Variants in SMYD5 observed in about 807,000 individuals in gnomAD.
The protein encoded by SMYD5 is SMYD family member 5.
In SMYD5, 35 loss-of-function variants were observed where a neutral mutation model predicts 57.4. The observed-to-expected ratio is 0.61, with a 90% CI of 0.47 to 0.81. The LOEUF (loss-of-function observed/expected upper bound fraction) is 0.81, where lower values mean the gene tolerates loss of function less well. Among genes scored for constraint, SMYD5 ranks in the 30% least tolerant of loss-of-function variants. The probability of loss-of-function intolerance (pLI) is 0.00; values close to 1 mark genes in which losing one functional copy is unlikely to be tolerated. For missense variants in SMYD5, 471 were observed against 527.9 expected, an observed-to-expected ratio of 0.89 and a Z score of 1.06; for synonymous variants, 198 against 189.7, an observed-to-expected ratio of 1.04 and a Z score of -0.36.
chr2:73,222,894 A>G (rs1686422805), intron 7 of SMYD5, 77 bp downstream of exon 7: 1 of 1,529,158 alleles, frequency 6.5e-7, no homozygotes, highest in South Asian at 1.1e-5. Flanking sequence ...ATCATCTCCT[A>G]CTGGGACAGC....
intron 3 of SMYD5, 132 bp from the exon 4 acceptor site, chr2:73,220,528 AG>A: frequency 9.2e-7 from 1 of 1,081,166 alleles, no homozygotes; most frequent in Non-Finnish European, 1.3e-6. Context: ...ACATATCCCC[AG>A]AGCACCCTAT....
chr2:73,217,674 A>G (rs1199179167), intron 1 of SMYD5, among the ~76,000 whole-genome samples: 1 of 152,132 alleles, frequency 6.6e-6, no homozygotes, highest in East Asian at 1.9e-4. Flanking sequence ...TTGAGAGGCA[A>G]CCGTATCTGG....
intron 6 of SMYD5, 81 bp from the exon 7 acceptor site, chr2:73,222,674 C>T: frequency 2.5e-6 from 3 of 1,205,004 alleles, no homozygotes; most frequent in Non-Finnish European, 3.6e-6. Context: ...TTCCTTCCCT[C>T]CCCTAGTCGC....
chr2:73,225,950 TGCCCTGCCCAGAAAGG>T lies in SMYD5; in HGVS notation c.*14_*29del, dbSNP rs1558553918. ...GGATGAGATGACTGATGTGTGATGT[TGCCCTGCCCAGAAAGG>T]GCCCTGCCCTAGACCCTGCCAGAAA... On this transcript the variant is annotated 3_prime_UTR_variant, in exon 13 of 13. Coordinates refer to ENST00000389501, the MANE Select transcript of SMYD5 (RefSeq NM_006062.3). 2 of 1,611,764 alleles carry T rather than the reference TGCCCTGCCCAGAAAGG, an allele frequency of 1.2e-6. No homozygotes were observed. Among genetic ancestry groups the T allele is most frequent in the South Asian group, 1.1e-5 (1 of 90,778 alleles).
rs1310187008 is a variant in SMYD5, at chr2:73,221,852, A to C, written c.564A>C (p.Arg188Ser). The change falls in exon 6 of 13, where the codon AGA becomes AGC. Residue 188 changes from arginine to serine, a missense_variant. Arg to Ser is a moderately radical substitution (Grantham distance 110). Coordinates refer to ENST00000389501, the MANE Select transcript of SMYD5 (RefSeq NM_006062.3). ...KQAKDKDRWI[R>S]LFSQFCNKTA... Reference sequence around the variant, plus strand: ...CGAAGGACAAGGACCGTTGGATCAGACTCTTTTCCCAGTTTTGTAACAAAA... The same window carrying C: ...CGAAGGACAAGGACCGTTGGATCAGCCTCTTTTCCCAGTTTTGTAACAAAA... 6.2e-7 allele frequency: 1 copy of C among 1,613,578 alleles called. No individual in the cohort carries two copies.
At chr2:73,222,299 A>G (rs1574341447) in intron 6 of SMYD5, among the ~76,000 whole-genome samples, 1 of 152,236 alleles carries the variant, frequency 6.6e-6, no homozygotes, top group African/African-American at 2.4e-5. Flanking sequence ...ACCCGTTCCC[A>G]ATCAAAGAGT....
At position 73,223,523 on chromosome 2, in the gene SMYD5, A is replaced by G. The variant is rs1002028483; in HGVS notation, c.874A>G (p.Ile292Val). The G allele has an allele frequency of 2.5e-6, 4 of 1,612,834 alleles. No individual in the cohort carries two copies. The Admixed American group carries it at 5.0e-5, about 20-fold the overall frequency. ...CTTCATTGACCAGCTATACAAGGAC[A>G]TCGAGGCAGGTTGGTGAGATAGGGC... ...DAFIDQLYKD[I>V]EAATGEFLNC... is the part of the protein sequence containing the mutation. The change falls in exon 9 of 13, where the codon ATC becomes GTC. Residue 292 changes from isoleucine (I) to valine (V), a missense_variant. Physicochemically the swap from Ile to Val is conservative, Grantham distance 29 (BLOSUM62 3). Transcript: ENST00000389501.
Position 73,218,847 on chromosome 2 carries a change from C to T in SMYD5, c.97-14C>T. 6.3e-7 allele frequency: 1 copy of T among 1,599,218 alleles called. No individual in the cohort carries two copies. Among genetic ancestry groups the T allele is most frequent in the Non-Finnish European group, 8.6e-7 (1 of 1,166,318 alleles). ...GTTCCTTTTTATGGCCATCCTATCC[C>T]TCTGCCCTCTCAGGGAAAGGGGCTG... On this transcript the variant is annotated splice_polypyrimidine_tract_variant and intron_variant, in intron 1 of 12. Transcript: ENST00000389501.
chr2:73,224,199 A>T (rs1414803614), intron 10 of SMYD5, among the ~76,000 whole-genome samples, 196 bp downstream of exon 10: 7 of 152,100 alleles, frequency 4.6e-5, no homozygotes, highest in Admixed American at 4.6e-4. Flanking sequence ...TTGTTCATCC[A>T]ACTGTTTGTG....
At chr2:73,215,206 A>G (rs1016456558) in intron 1 of SMYD5, among the ~76,000 whole-genome samples, 8 of 152,168 alleles carry the variant, frequency 5.3e-5, no homozygotes, top group African/African-American at 1.7e-4. Flanking sequence ...CTGTGCAAAC[A>G]TCCTCTTGTT....
chr2:73,221,843 T>C lies in SMYD5; in HGVS notation c.555T>C (p.Arg185=), dbSNP rs1231312538. 1 of 1,613,736 alleles carries C rather than the reference T, an allele frequency of 6.2e-7. No individual in the cohort carries two copies. Reference sequence around the variant, plus strand: ...CACTGCAGGCGAAGGACAAGGACCGTTGGATCAGACTCTTTTCCCAGTTTT... The same window carrying C: ...CACTGCAGGCGAAGGACAAGGACCGCTGGATCAGACTCTTTTCCCAGTTTT... ...ATVKQAKDKD[R]WIRLFSQFCN... The change falls in exon 6 of 13, where the codon CGT becomes CGC. Residue 185 remains arginine (R), a synonymous_variant. Transcript: ENST00000389501.
chr2:73,218,811 C>G, intron 1 of SMYD5, 50 bp from the exon 2 acceptor site: 1 of 1,387,332 alleles, frequency 7.2e-7, no homozygotes, highest in Non-Finnish European at 1.0e-6. Flanking sequence ...GCTCTCGGAG[C>G]TATGTCTTCT....
Position 73,221,155 on chromosome 2 carries a change from C to T in SMYD5, c.468-10C>T, listed in dbSNP as rs569092771. On this transcript the variant is annotated splice_polypyrimidine_tract_variant and intron_variant, in intron 4 of 12. Transcript: ENST00000389501. ...GAATTTCTAGGCCAATCTTTTTTCT[C>T]TTTCCCCAGGAGTATTCACTACCCA... 6.2e-7 allele frequency: 1 copy of T among 1,612,868 alleles called. No individual in the cohort carries two copies. The highest frequency in any genetic ancestry group is 8.5e-7 in the Non-Finnish European group (1 of 1,178,898).
chr2:73,221,754 T>A (rs542733786), intron 5 of SMYD5, 72 bp from the exon 6 acceptor site: 1 of 1,045,796 alleles, frequency 9.6e-7, no homozygotes, highest in East Asian at 2.4e-5. Context: ...TGTAGTGGTA[T>A]TTCCCAAGTG....
At chr2:73,222,227 CA>C (rs1686409814) in intron 6 of SMYD5, among the ~76,000 whole-genome samples, 1 of 152,170 alleles carries the variant, frequency 6.6e-6, no homozygotes, top group Non-Finnish European at 1.5e-5. Flanking sequence ...TAGCAGTGGG[CA>C]AATCAGGTAG....
At chr2:73,216,027 CTATATAGA>C (rs1686288311) in intron 1 of SMYD5, among the ~76,000 whole-genome samples, 2 of 152,074 alleles carry the variant, frequency 1.3e-5, no homozygotes, top group African/African-American at 4.8e-5. Flanking sequence ...GGTCATGAAA[CTATATAGA>C]CCAGGGGCCT....
In SMYD5 at chr2:73,220,187, C is replaced by T; in HGVS notation, c.342C>T (p.Cys114=). The T allele has an allele frequency of 6.2e-7, 1 of 1,613,990 alleles. No individual in the cohort carries two copies. The highest frequency in any genetic ancestry group is 8.5e-7 in the Non-Finnish European group (1 of 1,179,912). ...RKDLHQNCPH[C]QVMYCSAECR... Reference sequence around the variant, plus strand: ...ACCTCCACCAGAACTGTCCCCATTGCCAAGTGAGTATTCTTGGGGAGTGTA... The same window carrying T: ...ACCTCCACCAGAACTGTCCCCATTGTCAAGTGAGTATTCTTGGGGAGTGTA... The change falls in exon 3 of 13, where the codon TGC becomes TGT. Residue 114 remains cysteine (C), a synonymous_variant. Coordinates refer to ENST00000389501, the MANE Select transcript of SMYD5 (RefSeq NM_006062.3).
chr2:73,218,846 C>G lies in SMYD5; in HGVS notation c.97-15C>G, dbSNP rs1686334602. On this transcript the variant is annotated splice_polypyrimidine_tract_variant and intron_variant, in intron 1 of 12. Transcript: ENST00000389501. ...TGTTCCTTTTTATGGCCATCCTATC[C>G]CTCTGCCCTCTCAGGGAAAGGGGCT... 1 of 1,594,752 alleles carries G rather than the reference C, an allele frequency of 6.3e-7. No homozygotes were observed. The highest frequency in any genetic ancestry group is 1.3e-5 in the African/African-American group (1 of 74,618).
rs1686498716 is a variant in SMYD5 at position 73,226,112 on chromosome 2, C to T, written c.*166C>T. ...AGAGCCTGGATCTCTGGCCCCAACC[C>T]CCACCAGACCTCATGCCCTGGACAC... On this transcript the variant is annotated 3_prime_UTR_variant, in exon 13 of 13. Transcript: ENST00000389501. 9 of 919,578 alleles carry T rather than the reference C, an allele frequency of 9.8e-6. No individual in the cohort carries two copies. Among genetic ancestry groups the T allele is most frequent in the Admixed American group, 2.9e-5 (1 of 34,306 alleles). 57.0% of individuals were successfully genotyped at this position (919,578 alleles called of 1,614,324 possible).
Sources: gnomAD v4.1 joint callset for allele counts (sites outside exome capture counted in the v4.1 genomes callset) on GRCh38, gnomAD v4.1.1 for gene constraint, MANE v1.5 for transcripts, NCBI Gene and HGNC (gene_info 2026-07-23, HGNC 2026-07-21) for gene names.